ACTA2: variants seen among roughly 807,000 people sequenced by gnomAD.
ACTA2 encodes actin, aortic smooth muscle.
Under a neutral mutation model 39.5 loss-of-function variants are expected in ACTA2, and 12 were observed. That is an observed-to-expected ratio of 0.30 (90% CI 0.19 to 0.49). The LOEUF (loss-of-function observed/expected upper bound fraction) is 0.49. Among genes scored for constraint, ACTA2 ranks in the 20% least tolerant of loss-of-function variants. The pLI, the probability that ACTA2 is intolerant of heterozygous loss-of-function variation, is 0.99. For synonymous variants in ACTA2, 158 were observed against 180.6 expected, an observed-to-expected ratio of 0.88 and a Z score of 1.00; for missense variants, 236 against 498.8, an observed-to-expected ratio of 0.47 and a Z score of 5.02.
chr10:88,979,571 G>A (rs962505330), intron 1 of ACTA2, among the ~76,000 whole-genome samples: 1 of 151,928 alleles, frequency 6.6e-6, no homozygotes, highest in African/African-American at 2.4e-5. Context: ...CACTAGGGCT[G>A]TTCTCTCTCA....
Position 88,939,960 on chromosome 10 carries a change from T to C in ACTA2, c.617-262A>G. On this transcript the variant is annotated intron_variant, in intron 6 of 8. Transcript: ENST00000224784. Reference sequence around the variant, plus strand: ...AATGCATAACAAGAATAAAATGAGCTAGCTAGAGAAAGGCACACAGTAGCG... The same window carrying C: ...AATGCATAACAAGAATAAAATGAGCCAGCTAGAGAAAGGCACACAGTAGCG... The C allele has an allele frequency of 5.8e-6, 3 of 513,274 alleles. No individual in the cohort carries two copies. In the South Asian group the frequency reaches 6.1e-5, roughly 10 times the overall value. 31.8% of individuals were successfully genotyped at this position (513,274 alleles called of 1,614,324 possible). A position where few individuals can be genotyped will look rare whatever the true frequency, so the allele number is the denominator to read the frequency against.
At chr10:88,954,029 CT>C, upstream of ACTA2, among the ~76,000 whole-genome samples, 1 of 152,186 alleles carries the variant, frequency 6.6e-6, no homozygotes, top group East Asian at 1.9e-4. Context: ...AAGCCCTCAT[CT>C]CAAGCATCAA....
chr10:88,949,831 G>T (rs1430794860), intron 1 of ACTA2, among the ~76,000 whole-genome samples: 1 of 152,008 alleles, frequency 6.6e-6, no homozygotes, highest in East Asian at 1.9e-4. Context: ...GTTGACTGAG[G>T]TTATTATGAA....
At chr10:88,978,323 G>A (rs540477124) in intron 1 of ACTA2, among the ~76,000 whole-genome samples, 19 of 149,350 alleles carry the variant, frequency 1.3e-4, no homozygotes, top group East Asian at 3.9e-4. Flanking sequence ...TGGGTGCAGC[G>A]CACCAGCATG....
chr10:88,970,893 G>A (rs1039006878), intron 1 of ACTA2, among the ~76,000 whole-genome samples: 19 of 151,762 alleles, frequency 1.3e-4, no homozygotes, highest in South Asian at 4.2e-4. Context: ...GTGTGTGTGT[G>A]TGTGTATATA....
At chr10:88,973,229 G>A (rs1846489280) in intron 1 of ACTA2, 7 of 1,612,406 alleles carry the variant, frequency 4.3e-6, no homozygotes, top group Non-Finnish European at 5.9e-6. Context: ...CTTTGGAGAT[G>A]GAGCCCCTGA....
chr10:88,963,932 A>G (rs927756775), intron 1 of ACTA2, among the ~76,000 whole-genome samples: 1 of 152,160 alleles, frequency 6.6e-6, no homozygotes, highest in African/African-American at 2.4e-5. Flanking sequence ...TAGCTAGACT[A>G]AAAGGCTCTT....
chr10:88,938,679 C>T (rs11202906), intron 7 of ACTA2, among the ~76,000 whole-genome samples: 30,608 of 133,606 alleles, frequency 0.23, 3,561 homozygotes, highest in African/African-American at 0.37. Flanking sequence ...GGGAAACTTA[C>T]TCTATTTTTT....
At chr10:88,977,593 T>C (rs1846597987) in intron 1 of ACTA2, among the ~76,000 whole-genome samples, 1 of 151,366 alleles carries the variant, frequency 6.6e-6, no homozygotes, top group Non-Finnish European at 1.5e-5. Context: ...GCAAAGGACA[T>C]GAACAGACAC....
chr10:88,952,201 G>C (rs1564649183), intron 1 of ACTA2, among the ~76,000 whole-genome samples: 1 of 152,180 alleles, frequency 6.6e-6, no homozygotes, highest in African/African-American at 2.4e-5. Context: ...CTACCAGTTA[G>C]AGCCAGGGAA....
chr10:88,945,387 G>A (rs2133264691), intron 3 of ACTA2, among the ~76,000 whole-genome samples: 1 of 152,262 alleles, frequency 6.6e-6, no homozygotes. Flanking sequence ...ACAACATTAT[G>A]TATTTTTCTT....
At position 88,969,615 on chromosome 10, in the gene ACTA2, C is replaced by T. The variant is rs550806503; in HGVS notation, c.-23-20662G>A. 2.0e-5 allele frequency among the ~76,000 whole-genome samples: 3 copies of T among 152,134 alleles called. No individual in the cohort carries two copies. The South Asian group carries it at 6.2e-4, about 32-fold the overall frequency. ...TGGTTTACTCCTACTCAAATTGTTT[C>T]TGGCTCTCTGGGATGACCAGTTTCT... On this transcript the variant is annotated intron_variant, in intron 1 of 4. Coordinates refer to the ACTA2 transcript ENST00000415557.
At chr10:88,974,238 T>A (rs1314331929) in intron 1 of ACTA2, 3 of 150,904 alleles carry the variant, frequency 2.0e-5, no homozygotes, top group Non-Finnish European at 4.5e-5. Flanking sequence ...TCATTTGGCT[T>A]GACTCTTTGG....
At chr10:88,967,470 C>T (rs1337185299) in intron 1 of ACTA2, among the ~76,000 whole-genome samples, 1 of 152,154 alleles carries the variant, frequency 6.6e-6, no homozygotes, top group African/African-American at 2.4e-5. Context: ...TGCGAGAATA[C>T]AGTGGAATAC....
chr10:88,963,104 A>AT (rs1387284010), intron 1 of ACTA2, among the ~76,000 whole-genome samples: 2 of 151,322 alleles, frequency 1.3e-5, no homozygotes, highest in Admixed American at 6.6e-5. Flanking sequence ...CCATGATTCA[A>AT]TTACCTCCCA....
intron 1 of ACTA2, among the ~76,000 whole-genome samples, chr10:88,988,426 T>G (rs977855624): frequency 0.017 from 157 of 9,444 alleles, 3 homozygotes; most frequent in African/African-American, 0.14. Context: ...GTTTTTTTTT[T>G]TTTTTGTTTT....
chr10:88,946,275 CTT>C (rs35702314), intron 3 of ACTA2, among the ~76,000 whole-genome samples: 5 of 117,060 alleles, frequency 4.3e-5, no homozygotes, highest in Non-Finnish European at 5.1e-5. Flanking sequence ...TTAATTAAAC[CTT>C]TTTTTTTTTT....
intron 1 of ACTA2, among the ~76,000 whole-genome samples, chr10:88,975,998 A>T (rs1205490390): frequency 6.6e-6 from 1 of 152,220 alleles, no homozygotes; most frequent in Non-Finnish European, 1.5e-5. Flanking sequence ...AGTTTGAGGC[A>T]AGGTCAAATG....
intron 1 of ACTA2, among the ~76,000 whole-genome samples, chr10:88,970,527 T>C (rs1041078383): frequency 2.0e-5 from 3 of 152,044 alleles, no homozygotes; most frequent in Non-Finnish European, 2.9e-5. Context: ...TAGTGAATGC[T>C]AGGAGGTAGG....
Sources: gnomAD v4.1 joint callset for allele counts (sites outside exome capture counted in the v4.1 genomes callset) on GRCh38, gnomAD v4.1.1 for gene constraint, MANE v1.5 for transcripts, NCBI Gene and HGNC (gene_info 2026-07-23, HGNC 2026-07-21) for gene names.